TBC1D8: variants seen among roughly 807,000 people sequenced by gnomAD.
The protein encoded by TBC1D8 is TBC1 domain family member 8.
Under a neutral mutation model 118.8 loss-of-function variants are expected in TBC1D8, and 65 were observed. The ratio of observed to expected loss-of-function variants is 0.55; its 90% CI spans 0.45 to 0.67. The LOEUF (loss-of-function observed/expected upper bound fraction) is 0.67. Among genes scored for constraint, TBC1D8 ranks in the 30% least tolerant of loss-of-function variants. TBC1D8 has a pLI of 0.00. For missense variants in TBC1D8, 1,376 were observed against 1,471.2 expected (o/e 0.94, Z 1.06); for synonymous variants, 566 against 595.8 (o/e 0.95, Z 0.73).
At chr2:101,022,761 A>G (rs1234961849) in intron 15 of TBC1D8, among the ~76,000 whole-genome samples, 1 of 152,156 alleles carries the variant, frequency 6.6e-6, no homozygotes, top group Admixed American at 6.5e-5. Flanking sequence ...AAATGTACCA[A>G]TGTAACTATT....
At position 101,029,699 on chromosome 2, in the gene TBC1D8, G is replaced by A; in HGVS notation, c.2014C>T (p.Leu672Phe). Reference sequence around the variant, plus strand: ...AGAGAGACGGACGCCAGGGCTGAGAGGTCGTTCATGTGCTCTGCCAGCTCT... The same window carrying A: ...AGAGAGACGGACGCCAGGGCTGAGAAGTCGTTCATGTGCTCTGCCAGCTCT... ...LPELAEHMND[L>F]SALASVSLSW... The change falls in exon 12 of 20, where the codon CTC (leucine) becomes TTC (phenylalanine). Residue 672 changes from leucine to phenylalanine, a missense_variant. Transcript: ENST00000409318. 6.2e-7 allele frequency: 1 copy of A among 1,614,026 alleles called. No individual in the cohort carries two copies. The highest frequency in any genetic ancestry group is 8.5e-7 in the Non-Finnish European group (1 of 1,179,886).
rs562630584 is a variant in TBC1D8, at chr2:101,061,886, C to G, written c.284-2347G>C. ...AAGCTTATTTTAAAACAAAATCAAA[C>G]CCAGCTACTCTAGGCTCCCCAGCAT... On this transcript the variant is annotated intron_variant, in intron 2 of 19. Transcript: ENST00000409318. Among the ~76,000 whole-genome samples, 332 of 152,298 alleles carry G rather than the reference C, an allele frequency of 2.2e-3. 2 individuals are homozygous for G. The highest frequency in any genetic ancestry group is 3.3e-3 in the Non-Finnish European group (222 of 68,020).
intron 17 of TBC1D8, among the ~76,000 whole-genome samples, chr2:101,014,447 C>G (rs1437748975): frequency 6.6e-6 from 1 of 152,022 alleles, no homozygotes; most frequent in South Asian, 2.1e-4. Context: ...TTTTTTGTGC[C>G]CTGTGAGATG....
intron 2 of TBC1D8, among the ~76,000 whole-genome samples, chr2:101,064,839 A>AT (rs1228075067): frequency 6.6e-6 from 1 of 152,196 alleles, no homozygotes; most frequent in East Asian, 1.9e-4. Context: ...CATACACATA[A>AT]TATTACTTAT....
chr2:101,138,686 G>A (rs920884596), intron 1 of TBC1D8, among the ~76,000 whole-genome samples: 3 of 152,186 alleles, frequency 2.0e-5, no homozygotes, highest in African/African-American at 4.8e-5. Flanking sequence ...TACACAGGGC[G>A]GGGTGTACTG....
intron 13 of TBC1D8, 36 bp downstream of exon 13, chr2:101,028,267 G>A: frequency 6.3e-7 from 1 of 1,593,304 alleles, no homozygotes. Context: ...GGGGGTTAGG[G>A]GCTGCAACGG....
intron 3 of TBC1D8, among the ~76,000 whole-genome samples, chr2:101,056,701 C>T (rs1359045911): frequency 6.6e-6 from 1 of 152,028 alleles, no homozygotes. Context: ...GGAAGTGAGG[C>T]GTGGAGGGGT....
intron 1 of TBC1D8, among the ~76,000 whole-genome samples, chr2:101,118,929 TA>T (rs1474489614): frequency 6.6e-6 from 1 of 152,084 alleles, no homozygotes; most frequent in Non-Finnish European, 1.5e-5. Context: ...GAGGGTCACT[TA>T]AGCCTGGAGG....
intron 1 of TBC1D8, among the ~76,000 whole-genome samples, chr2:101,104,949 C>T (rs1677099110): frequency 6.8e-6 from 1 of 148,054 alleles, no homozygotes; most frequent in Non-Finnish European, 1.5e-5. Context: ...CGCTTGAACC[C>T]GGGAGGTGGA....
intron 19 of TBC1D8, among the ~76,000 whole-genome samples, chr2:101,009,020 T>C (rs1458537373): frequency 6.6e-6 from 1 of 152,176 alleles, no homozygotes; most frequent in Non-Finnish European, 1.5e-5. Flanking sequence ...GAGACACTGC[T>C]GCTGAAATTG....
chr2:101,143,958 C>G (rs779108661), intron 1 of TBC1D8, among the ~76,000 whole-genome samples: 1 of 152,228 alleles, frequency 6.6e-6, no homozygotes, highest in Non-Finnish European at 1.5e-5. Context: ...GAACACCACT[C>G]TATTATTTAT....
intron 15 of TBC1D8, among the ~76,000 whole-genome samples, chr2:101,023,325 T>C (rs1456616381): frequency 6.6e-6 from 1 of 151,870 alleles, no homozygotes; most frequent in Non-Finnish European, 1.5e-5. Flanking sequence ...TTTGTATTTT[T>C]AGTAGAGATG....
chr2:101,019,451 A>G (rs1252092009), intron 17 of TBC1D8: 2 of 154,684 alleles, frequency 1.3e-5, no homozygotes, highest in Non-Finnish European at 2.9e-5. Context: ...GCATGGCCTC[A>G]GGAAAATGAT....
At chr2:101,015,912 A>G (rs1679598406) in intron 17 of TBC1D8, among the ~76,000 whole-genome samples, 1 of 152,086 alleles carries the variant, frequency 6.6e-6, no homozygotes, top group African/African-American at 2.4e-5. Context: ...CACCTTATAC[A>G]AAAATTAATT....
intron 4 of TBC1D8, among the ~76,000 whole-genome samples, chr2:101,052,351 A>G (rs1682126228): frequency 6.6e-6 from 1 of 152,246 alleles, no homozygotes; most frequent in Non-Finnish European, 1.5e-5. Context: ...CAGGGCTGGC[A>G]ATACAGAGCC....
At chr2:101,019,621 C>G (rs1275122975) in intron 17 of TBC1D8, 1 of 152,424 alleles carries the variant, frequency 6.6e-6, no homozygotes, top group Non-Finnish European at 1.5e-5. Context: ...CAGAGTTACA[C>G]AGTATGAATA....
intron 18 of TBC1D8, 194 bp from the exon 19 acceptor site, chr2:101,011,220 G>C: frequency 1.5e-6 from 1 of 689,296 alleles, no homozygotes; most frequent in Non-Finnish European, 2.4e-6. Context: ...AAGAGGACCC[G>C]TGAAACAGCA....
chr2:101,134,859 T>A (rs1558726964), intron 1 of TBC1D8, among the ~76,000 whole-genome samples: 1 of 152,278 alleles, frequency 6.6e-6, no homozygotes, highest in East Asian at 1.9e-4. Flanking sequence ...AGGTTGCACA[T>A]GAAGTTAAAA....
intron 1 of TBC1D8, among the ~76,000 whole-genome samples, chr2:101,140,011 T>C (rs1034473262): frequency 1.3e-5 from 2 of 152,204 alleles, no homozygotes; most frequent in Non-Finnish European, 2.9e-5. Context: ...TTCTGCTGCT[T>C]TATCTACAAG....
Sources: allele counts gnomAD v4.1 joint callset (sites outside exome capture counted in the v4.1 genomes callset), GRCh38; gene constraint gnomAD v4.1.1; transcripts MANE v1.5; gene names NCBI Gene and HGNC (gene_info 2026-07-23, HGNC 2026-07-21).